The following FSTL5 variants were observed in gnomAD, a reference collection of about 807,000 sequenced individuals.
FSTL5 encodes the protein follistatin-related protein 5.
A neutral mutation model predicts 89.1 loss-of-function variants in FSTL5; 62 were observed. The observed-to-expected ratio is 0.70, with a 90% confidence interval of 0.57 to 0.86. The LOEUF (loss-of-function observed/expected upper bound fraction) is 0.86, where lower values mean the gene tolerates loss of function less well. Among genes scored for constraint, FSTL5 ranks in the 40% least tolerant of loss-of-function variants. The pLI is 0.00. For missense variants in FSTL5, 1,057 were observed against 1,001.6 expected, an observed-to-expected ratio of 1.06 and a Z score of -0.75; for synonymous variants, 383 against 346.2, an observed-to-expected ratio of 1.11 and a Z score of -1.18.
intron 1 of FSTL5, among the ~76,000 whole-genome samples, chr4:162,153,694 T>TGTATATTATATATATATATAATA (rs1318532786): frequency 2.4e-5 from 3 of 124,742 alleles, no homozygotes; most frequent in Non-Finnish European, 3.2e-5. Flanking sequence ...TATAATAATA[T>TGTATATTATATATATATATAATA]ATATGTATAT....
chr4:162,132,156 TAAAC>T (rs1732326240), intron 1 of FSTL5, among the ~76,000 whole-genome samples: 1 of 152,202 alleles, frequency 6.6e-6, no homozygotes, highest in Non-Finnish European at 1.5e-5. Context: ...CATTAAGAAA[TAAAC>T]AGTGTGATTT....
chr4:161,725,788 A>G (rs962217950), intron 6 of FSTL5, among the ~76,000 whole-genome samples: 1 of 152,198 alleles, frequency 6.6e-6, no homozygotes, highest in Non-Finnish European at 1.5e-5. Flanking sequence ...AATCCCATAT[A>G]TTAGTTCATT....
chr4:162,111,384 A>G lies in FSTL5; in HGVS notation c.13T>C (p.Trp5Arg). Residue 5 changes from tryptophan to arginine, a missense_variant, in exon 2 of 16, where the codon TGG (tryptophan) becomes CGG (arginine). Around this residue, in one of 3 missense-constraint regions of FSTL5, gnomAD observed 980 missense variants for 903.2 expected, o/e 1.08. Transcript: ENST00000306100. MFKCWSVVLVLGFIF... is the reference protein window; with the variant it reads MFKCRSVVLVLGFIF... ...AATCCGAGAACCAAGACAACTGACC[A>G]GCACTTAAACATCCTTATTGCTTTT... The G allele has an allele frequency of 1.9e-6, 3 of 1,611,810 alleles. No homozygotes were observed. The highest frequency in any genetic ancestry group is 1.7e-6 in the Non-Finnish European group (2 of 1,178,450).
chr4:161,420,990 T>G (rs1731970237), intron 15 of FSTL5, among the ~76,000 whole-genome samples: 1 of 152,218 alleles, frequency 6.6e-6, no homozygotes, highest in Non-Finnish European at 1.5e-5. Context: ...TGTCTATTAA[T>G]ATCTATACAT....
chr4:161,490,625 C>A (rs1016904571), intron 12 of FSTL5, among the ~76,000 whole-genome samples: 8 of 151,988 alleles, frequency 5.3e-5, no homozygotes, highest in Non-Finnish European at 1.0e-4. Flanking sequence ...CACAGAAGTG[C>A]CTTATATGGA....
intron 6 of FSTL5, among the ~76,000 whole-genome samples, chr4:161,677,714 C>A (rs1451252575): frequency 6.6e-6 from 1 of 151,832 alleles, no homozygotes; most frequent in Non-Finnish European, 1.5e-5. Flanking sequence ...AAGAAGACTG[C>A]AATTAAAATG....
At chr4:161,443,301 C>T (rs1463324662) in intron 15 of FSTL5, among the ~76,000 whole-genome samples, 1 of 151,898 alleles carries the variant, frequency 6.6e-6, no homozygotes. Flanking sequence ...AAAACTTATG[C>T]AAAAGACACA....
intron 4 of FSTL5, among the ~76,000 whole-genome samples, chr4:161,791,249 A>G (rs1017745061): frequency 2.6e-5 from 4 of 152,152 alleles, no homozygotes; most frequent in African/African-American, 9.7e-5. Flanking sequence ...AGGGTGATGG[A>G]GAGAAAAGAA....
At chr4:162,052,451 A>C (rs1191702324) in intron 2 of FSTL5, among the ~76,000 whole-genome samples, 1 of 151,764 alleles carries the variant, frequency 6.6e-6, no homozygotes, top group Non-Finnish European at 1.5e-5. Context: ...TTTTCAAGAA[A>C]ATATAAAATA....
rs144354747 is a variant in FSTL5, at chr4:161,706,556, G to A, written c.728-50062C>T. ...TCATTAGGATAACTCTTAACAATCCGGAAAGGAAAATTAGTGAAAGCTGTT... is the reference window on the plus strand; with the variant it reads ...TCATTAGGATAACTCTTAACAATCCAGAAAGGAAAATTAGTGAAAGCTGTT... On this transcript the variant is annotated intron_variant, in intron 6 of 15. Transcript: ENST00000306100. 2.3e-3 allele frequency among the ~76,000 whole-genome samples: 352 copies of A among 151,988 alleles called. 2 individuals are homozygous for A. The highest frequency in any genetic ancestry group is 4.1e-3 in the Non-Finnish European group (279 of 67,900).
chr4:161,462,314 T>C (rs17041096), intron 13 of FSTL5, among the ~76,000 whole-genome samples: 34,578 of 152,108 alleles, frequency 0.23, 4,616 homozygotes, highest in East Asian at 0.48. Flanking sequence ...CTCTCTTATT[T>C]ATGCCTCATG....
intron 6 of FSTL5, among the ~76,000 whole-genome samples, chr4:161,727,265 G>A (rs1285901845): frequency 6.6e-6 from 1 of 152,086 alleles, no homozygotes; most frequent in Non-Finnish European, 1.5e-5. Flanking sequence ...TGTGATAATA[G>A]TTGCCTTTCA....
At chr4:161,391,120 T>A (rs1426271859) in intron 15 of FSTL5, among the ~76,000 whole-genome samples, 1 of 152,180 alleles carries the variant, frequency 6.6e-6, no homozygotes, top group South Asian at 2.1e-4. Context: ...GCAATTCACA[T>A]CTAAAACAAA....
Position 162,044,776 on chromosome 4 carries a change from C to T in FSTL5, c.127-11118G>A, listed in dbSNP as rs556648562. On this transcript the variant is annotated intron_variant, in intron 2 of 15. Coordinates refer to ENST00000306100, the MANE Select transcript of FSTL5 (RefSeq NM_020116.5). The stretch of plus-strand genomic sequence containing the variant: ...AGCACTTGGTGCTTCGCCTTGCACT[C>T]TTATATTATAGAGACAGCTTCTTTC... 3.4e-3 allele frequency among the ~76,000 whole-genome samples: 524 copies of T among 152,306 alleles called. 4 individuals carry two copies. The highest frequency in any genetic ancestry group is 0.011 in the African/African-American group (470 of 41,586).
At chr4:161,445,870 G>T (rs1351632336) in intron 15 of FSTL5, among the ~76,000 whole-genome samples, 1 of 151,768 alleles carries the variant, frequency 6.6e-6, no homozygotes, top group East Asian at 1.9e-4. Context: ...TGTTCAAAAC[G>T]AAAAGCAAGA....
At chr4:161,600,732 G>A (rs1014044801) in intron 7 of FSTL5, among the ~76,000 whole-genome samples, 1 of 151,940 alleles carries the variant, frequency 6.6e-6, no homozygotes, top group Non-Finnish European at 1.5e-5. Context: ...ATTCATAATC[G>A]AATGGCCCAA....
At chr4:161,991,391 T>C (rs1008170536) in intron 3 of FSTL5, among the ~76,000 whole-genome samples, 3 of 152,196 alleles carry the variant, frequency 2.0e-5, no homozygotes, top group Non-Finnish European at 4.4e-5. Flanking sequence ...TTTTTTCCTT[T>C]CACTCAGGTC....
At chr4:161,968,973 A>G (rs951949491) in intron 3 of FSTL5, among the ~76,000 whole-genome samples, 34 of 149,758 alleles carry the variant, frequency 2.3e-4, no homozygotes, top group African/African-American at 7.3e-4. Context: ...ACATAAGCAC[A>G]CACACACACA....
At chr4:161,626,020 G>A (rs575839776) in intron 7 of FSTL5, among the ~76,000 whole-genome samples, 2 of 152,034 alleles carry the variant, frequency 1.3e-5, no homozygotes, top group Non-Finnish European at 2.9e-5. Context: ...GTAAGAAAGA[G>A]GTTAGTTCAT....
Sources: allele counts gnomAD v4.1 joint callset (sites outside exome capture counted in the v4.1 genomes callset), GRCh38; gene constraint gnomAD v4.1.1; regional missense constraint gnomAD v4.1.1; transcripts MANE v1.5; gene names NCBI Gene and HGNC (gene_info 2026-07-23, HGNC 2026-07-21).